LRRC7: variants seen among roughly 807,000 people sequenced by gnomAD.
LRRC7 encodes leucine rich repeat containing 7.
LRRC7 carries 23 observed loss-of-function variants against 175.7 expected under a neutral mutation model. The observed-to-expected ratio is 0.13, with a 90% CI of 0.09 to 0.19. The LOEUF (loss-of-function observed/expected upper bound fraction) is 0.19. Ranked by LOEUF, LRRC7 falls within the 10% of genes least tolerant of loss-of-function variation. LRRC7 has a pLI of 1.00. For synonymous variants in LRRC7, 685 were observed against 680.9 expected, an observed-to-expected ratio of 1.01 and a Z score of -0.09; for missense variants, 1,354 against 1,904.7, an observed-to-expected ratio of 0.71 and a Z score of 5.38.
rs1553146102 is a variant in LRRC7, at chr1:69,718,128, A to AGAAAGAGAG, written c.100+39650_100+39651insGAAAGAGAG. Reference sequence around the variant, plus strand: ...GAGAGAAAAAGAAAGAAAGAAAGAAAAGAAAGAAAGAGAGAGAAAGAAAGA... The same window carrying AGAAAGAGAG: ...GAGAGAAAAAGAAAGAAAGAAAGAAAGAAAGAGAGAGAAAGAAAGAGAGAGAAAGAAAGA... On this transcript the variant is annotated intron_variant, in intron 2 of 26. Coordinates refer to ENST00000651989, the MANE Select transcript of LRRC7 (RefSeq NM_001370785.2). Among the ~76,000 whole-genome samples, 222 of 67,788 alleles carry AGAAAGAGAG rather than the reference A, an allele frequency of 3.3e-3. 2 individuals are homozygous for AGAAAGAGAG. The East Asian group carries it at 0.063, about 19-fold the overall frequency. 44.5% of individuals were successfully genotyped at this position (67,788 alleles called of 152,430 possible). A position where few individuals can be genotyped will look rare whatever the true frequency, so the allele number is the denominator to read the frequency against.
At chr1:69,773,340 G>T (rs1033262806) in intron 3 of LRRC7, among the ~76,000 whole-genome samples, 1 of 152,102 alleles carries the variant, frequency 6.6e-6, no homozygotes, top group Non-Finnish European at 1.5e-5. Flanking sequence ...GAAAATATGG[G>T]TGCAGATGAT....
At chr1:69,750,110 T>C (rs897071619) in intron 2 of LRRC7, among the ~76,000 whole-genome samples, 1 of 74,386 alleles carries the variant, frequency 1.3e-5, no homozygotes, top group African/African-American at 5.1e-5. Flanking sequence ...AACTGAAAAG[T>C]GAGGTTAAAG....
chr1:69,674,800 C>G (rs186631675), intron 1 of LRRC7, among the ~76,000 whole-genome samples: 25 of 152,122 alleles, frequency 1.6e-4, no homozygotes, highest in Non-Finnish European at 1.9e-4. Flanking sequence ...TTTTTTTCCT[C>G]AACAGTACTA....
In LRRC7 at chr1:70,123,781, G is replaced by A. The variant is rs1558088502; in HGVS notation, c.*1894G>A. 6.6e-6 allele frequency among the ~76,000 whole-genome samples: 1 copy of A among 152,052 alleles called. No homozygotes were observed. The highest frequency in any genetic ancestry group is 1.5e-5 in the Non-Finnish European group (1 of 67,998). ...CAAGCCACCATATCCAGATATTATA[G>A]GATGATCATCATTAATCAAGACAGA... is the stretch of plus-strand genomic sequence containing the variant. On this transcript the variant is annotated 3_prime_UTR_variant, in exon 27 of 27. Coordinates refer to ENST00000651989, the MANE Select transcript of LRRC7 (RefSeq NM_001370785.2).
At position 70,136,053 on chromosome 1, in the gene LRRC7, C is replaced by G. The variant is rs141879178; in HGVS notation, c.*14166C>G. Among the ~76,000 whole-genome samples, 334 of 98,770 alleles carry G rather than the reference C, an allele frequency of 3.4e-3. 2 individuals are homozygous for G. The highest frequency in any genetic ancestry group is 7.7e-3 in the African/African-American group (185 of 24,026). The allele number at this position is 98,770 out of a possible 152,430, so 64.8% of individuals were successfully genotyped here. On this transcript the variant is annotated 3_prime_UTR_variant, in exon 27 of 27. Transcript: ENST00000651989. ...CTTGGGAATTAATATCTCTCTCTCT[C>G]TGTGTGTGTCTGTGTGTGTGTCTGT...
chr1:69,745,496 A>G (rs935009605), intron 2 of LRRC7, among the ~76,000 whole-genome samples: 3 of 152,060 alleles, frequency 2.0e-5, no homozygotes, highest in Non-Finnish European at 4.4e-5. Flanking sequence ...TAGGTTGTTT[A>G]CTAAGGCAAT....
Position 69,903,004 on chromosome 1 carries a change from T to C in LRRC7, c.648-28503T>C, listed in dbSNP as rs972818699. On this transcript the variant is annotated intron_variant, in intron 7 of 26. Transcript: ENST00000651989. ...TGTACAGTCCATTATTTCTGATAGTTGTCCTTTTATATTTTATTTCGCAAC... is the reference window on the plus strand; with the variant it reads ...TGTACAGTCCATTATTTCTGATAGTCGTCCTTTTATATTTTATTTCGCAAC... Among the ~76,000 whole-genome samples the C allele has an allele frequency of 3.3e-5, 5 of 152,226 alleles. No individual in the cohort carries two copies. The East Asian group carries it at 9.6e-4, about 29-fold the overall frequency.
At chr1:70,094,224 T>A (rs1315817458) in intron 25 of LRRC7, among the ~76,000 whole-genome samples, 1 of 152,132 alleles carries the variant, frequency 6.6e-6, no homozygotes, top group African/African-American at 2.4e-5. Flanking sequence ...ATATACATAC[T>A]GGGGCATTGG....
chr1:69,743,582 A>G (rs79182931), intron 2 of LRRC7, among the ~76,000 whole-genome samples: 7 of 152,038 alleles, frequency 4.6e-5, no homozygotes, highest in Non-Finnish European at 8.8e-5. Flanking sequence ...AGCCACATTT[A>G]AAAATCGGAC....
rs139628486 is a variant in LRRC7, at chr1:70,017,845, A to G, written c.1321-874A>G. Among the ~76,000 whole-genome samples the G allele has an allele frequency of 5.7e-3, 874 of 152,212 alleles. 6 individuals are homozygous for G. Among genetic ancestry groups the G allele is most frequent in the Middle Eastern group, 0.031 (9 of 294 alleles). On this transcript the variant is annotated intron_variant, in intron 14 of 26. Coordinates refer to ENST00000651989, the MANE Select transcript of LRRC7 (RefSeq NM_001370785.2). ...TCATCATAAATAATTTCTGGAATCAATGTGAACTATGCTAATGTAATAGTA... is the reference window on the plus strand; with the variant it reads ...TCATCATAAATAATTTCTGGAATCAGTGTGAACTATGCTAATGTAATAGTA...
At position 70,082,792 on chromosome 1, in the gene LRRC7, T is replaced by C. The variant is rs1240604925; in HGVS notation, c.4452+6494T>C. Among the ~76,000 whole-genome samples, 22 of 103,952 alleles carry C rather than the reference T, an allele frequency of 2.1e-4. 5 individuals carry two copies. Among genetic ancestry groups the C allele is most frequent in the African/African-American group, 6.0e-4 (16 of 26,710 alleles). 68.2% of individuals were successfully genotyped at this position (103,952 alleles called of 152,430 possible). A position where few individuals can be genotyped will look rare whatever the true frequency, so the allele number is the denominator to read the frequency against. On this transcript the variant is annotated intron_variant, in intron 24 of 26. Coordinates refer to ENST00000651989, the MANE Select transcript of LRRC7 (RefSeq NM_001370785.2). ...CTTGATACCAGTACATTTTTTTTTT[T>C]TTTTTTTTTTTTTTTTTTTTGAGAC...
intron 1 of LRRC7, among the ~76,000 whole-genome samples, chr1:69,611,503 C>G (rs1023478060): frequency 6.6e-6 from 1 of 152,018 alleles, no homozygotes; most frequent in Non-Finnish European, 1.5e-5. Flanking sequence ...TTCCTGCAAG[C>G]CTTTAGCCAC....
intron 2 of LRRC7, among the ~76,000 whole-genome samples, chr1:69,710,289 A>AC (rs1165833281): frequency 1.3e-5 from 2 of 151,082 alleles, no homozygotes; most frequent in Non-Finnish European, 2.9e-5. Context: ...AAAAAAAAAA[A>AC]AAAAAAAAAG....
rs554817525 is a variant in LRRC7, at chr1:69,760,983, G to A, written c.303+590G>A. On this transcript the variant is annotated intron_variant, in intron 3 of 26. Coordinates refer to ENST00000651989, the MANE Select transcript of LRRC7 (RefSeq NM_001370785.2). ...CATACACACACACACACACACACAC[G>A]TGCACACCTGCACACACACACACTG... Among the ~76,000 whole-genome samples, 33 of 139,480 alleles carry A rather than the reference G, an allele frequency of 2.4e-4. No individual in the cohort carries two copies. The South Asian group carries it at 3.7e-3, about 16-fold the overall frequency. The allele number at this position is 139,480 out of a possible 152,430, so 91.5% of individuals were successfully genotyped here.
At chr1:70,011,960 TTTAA>T in intron 12 of LRRC7, 34 bp downstream of exon 12, 2 of 1,504,550 alleles carry the variant, frequency 1.3e-6, no homozygotes, top group Non-Finnish European at 1.8e-6. Context: ...TTTATTAACT[TTTAA>T]TTAATCTGTT....
Position 69,780,900 on chromosome 1 carries a change from A to G in LRRC7, c.304-11143A>G, listed in dbSNP as rs1348977370. On this transcript the variant is annotated intron_variant, in intron 3 of 26. Coordinates refer to ENST00000651989, the MANE Select transcript of LRRC7 (RefSeq NM_001370785.2). ...GCCTCTCACTGAATATTTATGATTT[A>G]ATATAAAGCTTTTCAGGAAAAGGAT... Among the ~76,000 whole-genome samples the G allele has an allele frequency of 2.0e-5, 3 of 152,188 alleles. 1 individual carries two copies. Among genetic ancestry groups the G allele is most frequent in the Admixed American group, 2.0e-4 (3 of 15,276 alleles).
At chr1:69,732,532 C>T (rs1263960186) in intron 2 of LRRC7, among the ~76,000 whole-genome samples, 4 of 151,992 alleles carry the variant, frequency 2.6e-5, no homozygotes, top group Admixed American at 6.6e-5. Context: ...AGTATGTTAA[C>T]ATTCTGTTGC....
chr1:69,997,347 C>G (rs1655085086), intron 11 of LRRC7, among the ~76,000 whole-genome samples: 2 of 151,504 alleles, frequency 1.3e-5, no homozygotes, highest in African/African-American at 4.9e-5. Flanking sequence ...CATCTGCAAA[C>G]AGGGACAATT....
intron 18 of LRRC7, among the ~76,000 whole-genome samples, chr1:70,033,309 C>A (rs1461577696): frequency 1.3e-5 from 2 of 152,022 alleles, no homozygotes; most frequent in East Asian, 1.9e-4. Context: ...TAAATAAATA[C>A]CACATAATGA....
Sources: allele counts gnomAD v4.1 joint callset (sites outside exome capture counted in the v4.1 genomes callset), GRCh38; gene constraint gnomAD v4.1.1; transcripts MANE v1.5; gene names NCBI Gene and HGNC (gene_info 2026-07-23, HGNC 2026-07-21).